The following MACC1 variants were observed in gnomAD, a reference collection of about 807,000 sequenced individuals.
The protein encoded by MACC1 is metastasis-associated in colon cancer protein 1.
In MACC1, 79 loss-of-function variants were observed where a neutral mutation model predicts 70.7. The ratio of observed to expected loss-of-function variants is 1.12; its 90% CI spans 0.93 to 1.35. The LOEUF is 1.35. MACC1 is among the 40% of genes most tolerant of loss of function. The pLI is 0.00. For synonymous variants in MACC1, 361 were observed against 347.2 expected, an observed-to-expected ratio of 1.04 and a Z score of -0.44; for missense variants, 1,106 against 978.1, an observed-to-expected ratio of 1.13 and a Z score of -1.74.
chr7:20,140,849 A>C lies in MACC1; in HGVS notation c.*97T>G. On this transcript the variant is annotated 3_prime_UTR_variant, in exon 7 of 7. Transcript: ENST00000400331. ...CAGACACACACACACAGACACACAC[A>C]CACAGACACACAGAGACACACACAG... 1.2e-6 allele frequency: 1 copy of C among 844,480 alleles called. No homozygotes were observed. 52.3% of individuals were successfully genotyped at this position (844,480 alleles called of 1,614,324 possible).
At chr7:20,179,182 A>G (rs117964626) in intron 1 of MACC1, among the ~76,000 whole-genome samples, 2 of 152,274 alleles carry the variant, frequency 1.3e-5, no homozygotes, top group Non-Finnish European at 2.9e-5. Flanking sequence ...AATGCTAAAT[A>G]TTCTCATCAG....
At position 20,160,244 on chromosome 7, in the gene MACC1, T is replaced by G; in HGVS notation, c.117A>C (p.Glu39Asp). The G allele has an allele frequency of 2.6e-6, 4 of 1,541,382 alleles. No homozygotes were observed. Among genetic ancestry groups the G allele is most frequent in the Non-Finnish European group, 3.5e-6 (4 of 1,151,104 alleles). The change falls in exon 5 of 7, where the codon GAA (glutamate) becomes GAC (aspartate). Residue 39 changes from glutamate to aspartate, a missense_variant and splice_region_variant. Transcript: ENST00000400331. The part of the protein sequence containing the change: ...GKLSKSCNIT[E>D]CQDPDLLHNW... Reference sequence around the variant, plus strand: ...TGTGAAGCAAGTCTGGGTCCTGGCATTCTTGTTATTTAAGGAAAGACAAAG... The same window carrying G: ...TGTGAAGCAAGTCTGGGTCCTGGCAGTCTTGTTATTTAAGGAAAGACAAAG...
intron 6 of MACC1, among the ~76,000 whole-genome samples, chr7:20,144,260 G>A (rs140675093): frequency 5.3e-5 from 8 of 152,256 alleles, no homozygotes; most frequent in South Asian, 2.1e-4. Flanking sequence ...AGCTTATAGC[G>A]TAGGAAGGAG....
At chr7:20,202,968 T>C (rs532424741) in intron 1 of MACC1, among the ~76,000 whole-genome samples, 4 of 152,338 alleles carry the variant, frequency 2.6e-5, no homozygotes, top group Admixed American at 6.5e-5. Context: ...AAGATAAGTA[T>C]GTAACCTTCT....
intron 1 of MACC1, among the ~76,000 whole-genome samples, chr7:20,213,481 A>T (rs1382341069): frequency 6.6e-6 from 1 of 152,210 alleles, no homozygotes; most frequent in Non-Finnish European, 1.5e-5. Context: ...CACACATATG[A>T]TCATTGCAGC....
intron 6 of MACC1, among the ~76,000 whole-genome samples, chr7:20,141,418 T>C (rs1460954983): frequency 6.6e-5 from 10 of 152,128 alleles, no homozygotes; most frequent in African/African-American, 2.4e-4. Context: ...CATCTATACA[T>C]TGCTGTTGCT....
chr7:20,192,476 C>T (rs1446336059), intron 1 of MACC1, among the ~76,000 whole-genome samples: 1 of 152,162 alleles, frequency 6.6e-6, no homozygotes, highest in African/African-American at 2.4e-5. Flanking sequence ...TTGTCAGTCC[C>T]AGCTAAGCCC....
intron 5 of MACC1, 125 bp from the exon 6 acceptor site, chr7:20,154,506 G>T: frequency 1.0e-6 from 1 of 958,762 alleles, no homozygotes; most frequent in Non-Finnish European, 1.5e-6. Context: ...GTATAATCGA[G>T]TTTTCTAAAG....
chr7:20,185,509 G>T (rs1203982374), intron 1 of MACC1, among the ~76,000 whole-genome samples: 1 of 151,900 alleles, frequency 6.6e-6, no homozygotes, highest in Non-Finnish European at 1.5e-5. Flanking sequence ...TCTTTAAACA[G>T]ATTTTAATTT....
Position 20,161,951 on chromosome 7 carries a change from G to C in MACC1, c.-8-81C>G. 12 of 820,874 alleles carry C rather than the reference G, an allele frequency of 1.5e-5. 2 individuals carry two copies. The South Asian group carries it at 1.8e-4, about 12-fold the overall frequency. 50.8% of individuals were successfully genotyped at this position (820,874 alleles called of 1,614,324 possible). ...GAAAATAAACTCAAAGACATCATAC[G>C]TATTTCTATAAAGAACTACATGTGA... is the stretch of plus-strand genomic sequence containing the variant. On this transcript the variant is annotated intron_variant, in intron 3 of 6. Transcript: ENST00000400331.
chr7:20,213,343 C>T (rs1218789325), intron 1 of MACC1, among the ~76,000 whole-genome samples: 2 of 152,184 alleles, frequency 1.3e-5, no homozygotes, highest in African/African-American at 4.8e-5. Context: ...TAAATTAGTT[C>T]AGCCATTGTG....
intron 1 of MACC1, among the ~76,000 whole-genome samples, chr7:20,214,879 T>C (rs559181415): frequency 2.0e-5 from 3 of 152,326 alleles, no homozygotes; most frequent in South Asian, 4.1e-4. Context: ...GTACGTGAGA[T>C]ACTTTCATGA....
intron 1 of MACC1, among the ~76,000 whole-genome samples, chr7:20,196,880 T>A (rs905631638): frequency 1.3e-5 from 2 of 152,166 alleles, no homozygotes; most frequent in Admixed American, 1.3e-4. Flanking sequence ...TCGCAGCCAC[T>A]CACTTTCACT....
intron 6 of MACC1, among the ~76,000 whole-genome samples, chr7:20,142,682 AC>A (rs1781823915): frequency 6.6e-6 from 1 of 152,164 alleles, no homozygotes. Flanking sequence ...TAGTAATGGA[AC>A]CTTTTTTGTC....
chr7:20,196,415 T>C (rs1287085928), intron 1 of MACC1, among the ~76,000 whole-genome samples: 8 of 152,002 alleles, frequency 5.3e-5, no homozygotes, highest in Non-Finnish European at 7.4e-5. Context: ...CTCCTGACCT[T>C]GTGATCCGCC....
intron 1 of MACC1, among the ~76,000 whole-genome samples, chr7:20,177,048 C>T (rs1235040685): frequency 6.6e-6 from 1 of 152,074 alleles, no homozygotes; most frequent in African/African-American, 2.4e-5. Flanking sequence ...AAGAGCTATA[C>T]ATACACACCT....
intron 1 of MACC1, among the ~76,000 whole-genome samples, chr7:20,177,350 A>G (rs1166159034): frequency 1.3e-5 from 2 of 152,134 alleles, no homozygotes; most frequent in Non-Finnish European, 2.9e-5. Context: ...TAACTATTTT[A>G]TACCTGTTTA....
chr7:20,200,023 A>ATGTG (rs57904550), intron 1 of MACC1, among the ~76,000 whole-genome samples: 276 of 149,258 alleles, frequency 1.8e-3, no homozygotes, highest in African/African-American at 5.6e-3. Context: ...CTATACCATT[A>ATGTG]TGTGTGTGTG....
intron 6 of MACC1, 126 bp from the exon 7 acceptor site, chr7:20,141,284 C>G: frequency 1.7e-6 from 1 of 582,924 alleles, no homozygotes; most frequent in Non-Finnish European, 2.9e-6. Flanking sequence ...TACACATGGA[C>G]TTATTTGATG....
Sources: allele counts gnomAD v4.1 joint callset (sites outside exome capture counted in the v4.1 genomes callset), GRCh38; gene constraint gnomAD v4.1.1; transcripts MANE v1.5; gene names NCBI Gene and HGNC (gene_info 2026-07-23, HGNC 2026-07-21).